Variants in ADCY2 observed in about 807,000 individuals in gnomAD.
The protein encoded by ADCY2 is adenylate cyclase 2.
A neutral mutation model predicts 125.2 loss-of-function variants in ADCY2; 31 were observed. That is an observed-to-expected ratio of 0.25 (90% CI 0.19 to 0.33). The LOEUF (loss-of-function observed/expected upper bound fraction) is 0.33, where lower values mean the gene tolerates loss of function less well. ADCY2 is among the 10% of genes least tolerant of loss of function. The pLI is 1.00. For missense variants in ADCY2, 904 were observed against 1,418.2 expected (o/e 0.64, Z 5.82); for synonymous variants, 512 against 548.4 (o/e 0.93, Z 0.93).
intron 3 of ADCY2, among the ~76,000 whole-genome samples, chr5:7,553,336 C>T (rs776265450): frequency 4.6e-5 from 7 of 152,150 alleles, no homozygotes; most frequent in African/African-American, 9.7e-5. Flanking sequence ...TTCGGAGGAG[C>T]GCAGTTCTGA....
chr5:7,505,110 C>G (rs750523827), intron 2 of ADCY2, among the ~76,000 whole-genome samples: 4 of 152,046 alleles, frequency 2.6e-5, no homozygotes, highest in Non-Finnish European at 4.4e-5. Context: ...TCTCGAACTC[C>G]TGGGCTCAAG....
At chr5:7,710,785 T>G (rs1345532633) in intron 10 of ADCY2, among the ~76,000 whole-genome samples, 1 of 152,178 alleles carries the variant, frequency 6.6e-6, no homozygotes. Flanking sequence ...GGAGCAAGAC[T>G]GCAGGGGTCC....
intron 4 of ADCY2, among the ~76,000 whole-genome samples, chr5:7,634,875 C>G (rs1371305427): frequency 6.6e-6 from 1 of 152,052 alleles, no homozygotes; most frequent in Admixed American, 6.6e-5. Flanking sequence ...GATAATGTGA[C>G]AAAGCATGGT....
chr5:7,429,014 CAGAGAGAG>C (rs3033090), intron 2 of ADCY2, among the ~76,000 whole-genome samples: 69 of 149,292 alleles, frequency 4.6e-4, no homozygotes, highest in Middle Eastern at 3.5e-3. Context: ...AAGAGTTGCA[CAGAGAGAG>C]AGAGAGAGAG....
chr5:7,761,310 C>T (rs1419106610), intron 16 of ADCY2, among the ~76,000 whole-genome samples: 3 of 151,846 alleles, frequency 2.0e-5, no homozygotes, highest in Non-Finnish European at 4.4e-5. Context: ...CCACTACGCC[C>T]ACCTAATTTT....
chr5:7,436,799 T>G (rs1864071), intron 2 of ADCY2, among the ~76,000 whole-genome samples: 6 of 152,024 alleles, frequency 3.9e-5, no homozygotes, highest in African/African-American at 1.2e-4. Context: ...GCAGCCTGTT[T>G]GGGACACTTT....
intron 15 of ADCY2, among the ~76,000 whole-genome samples, chr5:7,754,681 C>T (rs1223032172): frequency 6.7e-6 from 1 of 150,320 alleles, no homozygotes; most frequent in Non-Finnish European, 1.5e-5. Flanking sequence ...TAGGTTGGTG[C>T]AAAAGTAGTT....
chr5:7,680,028 A>C (rs1226444256), intron 4 of ADCY2, among the ~76,000 whole-genome samples: 1 of 152,186 alleles, frequency 6.6e-6, no homozygotes, highest in Non-Finnish European at 1.5e-5. Flanking sequence ...GTGATGGGCC[A>C]CAGAGTCCAA....
chr5:7,585,562 T>C (rs919732203), intron 3 of ADCY2, among the ~76,000 whole-genome samples: 2 of 152,210 alleles, frequency 1.3e-5, no homozygotes, highest in Non-Finnish European at 2.9e-5. Context: ...AAGTTTTCCA[T>C]AGTTACTGTG....
At chr5:7,617,042 T>TAAC (rs1308168869) in intron 3 of ADCY2, among the ~76,000 whole-genome samples, 1 of 152,098 alleles carries the variant, frequency 6.6e-6, no homozygotes, top group Non-Finnish European at 1.5e-5. Context: ...TTTTACAAAG[T>TAAC]GATTAGGTCA....
chr5:7,688,008 A>G (rs1262048236), intron 4 of ADCY2, among the ~76,000 whole-genome samples: 1 of 151,762 alleles, frequency 6.6e-6, no homozygotes, highest in African/African-American at 2.4e-5. Flanking sequence ...AATCAAGCCA[A>G]TCTTAAGACA....
chr5:7,552,374 CTCTT>C (rs774857115), intron 3 of ADCY2, among the ~76,000 whole-genome samples: 3 of 152,212 alleles, frequency 2.0e-5, no homozygotes, highest in Non-Finnish European at 4.4e-5. Flanking sequence ...GGTTGACAGA[CTCTT>C]TCAGCCTCTC....
chr5:7,796,996 C>T (rs1365666526), intron 20 of ADCY2: 1 of 152,246 alleles, frequency 6.6e-6, no homozygotes, highest in African/African-American at 2.4e-5. Context: ...ACGGATGCCA[C>T]CACAGAAATT....
At chr5:7,481,151 T>A (rs1473671044) in intron 2 of ADCY2, among the ~76,000 whole-genome samples, 1 of 152,218 alleles carries the variant, frequency 6.6e-6, no homozygotes, top group Non-Finnish European at 1.5e-5. Context: ...ATCTGTTATT[T>A]CCTCTCTTAA....
intron 15 of ADCY2, among the ~76,000 whole-genome samples, chr5:7,750,733 G>C (rs1742784572): frequency 6.6e-6 from 1 of 151,240 alleles, no homozygotes; most frequent in Non-Finnish European, 1.5e-5. Flanking sequence ...CCATCTAACT[G>C]TTGTAGACAC....
intron 22 of ADCY2, among the ~76,000 whole-genome samples, chr5:7,806,451 G>T (rs891065301): frequency 1.3e-5 from 2 of 152,156 alleles, no homozygotes; most frequent in African/African-American, 4.8e-5. Flanking sequence ...ACCACAGGCT[G>T]GGTGGCTTAA....
chr5:7,653,793 C>A (rs1171116075), intron 4 of ADCY2, among the ~76,000 whole-genome samples: 1 of 152,192 alleles, frequency 6.6e-6, no homozygotes, highest in Non-Finnish European at 1.5e-5. Context: ...CTGCAATTGA[C>A]ACTTTTTTTC....
intron 3 of ADCY2, among the ~76,000 whole-genome samples, chr5:7,529,592 G>A (rs1444202026): frequency 6.6e-6 from 1 of 152,178 alleles, no homozygotes; most frequent in East Asian, 1.9e-4. Flanking sequence ...AAGCATTTTG[G>A]CCTCAGGCAG....
intron 2 of ADCY2, among the ~76,000 whole-genome samples, chr5:7,500,995 T>C (rs1743540078): frequency 6.6e-6 from 1 of 152,168 alleles, no homozygotes; most frequent in African/African-American, 2.4e-5. Flanking sequence ...GTATTCTAAG[T>C]TCGTCAAGTG....
Sources: gnomAD v4.1 joint callset for allele counts (sites outside exome capture counted in the v4.1 genomes callset) on GRCh38, gnomAD v4.1.1 for gene constraint, MANE v1.5 for transcripts, NCBI Gene and HGNC (gene_info 2026-07-23, HGNC 2026-07-21) for gene names.